Variants in XIRP2 observed in about 807,000 individuals in gnomAD.
XIRP2 encodes the protein xin actin-binding repeat-containing protein 2.
XIRP2 carries 236 observed loss-of-function variants against 277.0 expected under a neutral mutation model. The ratio of observed to expected loss-of-function variants is 0.85; its 90% CI spans 0.77 to 0.95. The LOEUF (loss-of-function observed/expected upper bound fraction) is 0.95, where lower values mean the gene tolerates loss of function less well. Ranked by LOEUF, XIRP2 falls within the 40% of genes least tolerant of loss-of-function variation. The pLI, the probability that XIRP2 is intolerant of heterozygous loss-of-function variation, is 0.00. For missense variants in XIRP2, 4,640 were observed against 4,157.5 expected (o/e 1.12, Z -3.19); for synonymous variants, 1,490 against 1,416.5 (o/e 1.05, Z -1.17).
intron 3 of XIRP2, among the ~76,000 whole-genome samples, chr2:167,178,581 A>C (rs920156091): frequency 2.0e-5 from 3 of 152,152 alleles, no homozygotes; most frequent in African/African-American, 7.2e-5. Flanking sequence ...GCATTTAATT[A>C]ATACAGCTTT....
rs186740809 is a variant in XIRP2, at chr2:167,259,311, T to G, written c.*1494T>G. The G allele has an allele frequency of 1.9e-6, 3 of 1,612,496 alleles. No individual in the cohort carries two copies. The highest frequency in any genetic ancestry group is 2.7e-5 in the African/African-American group (2 of 74,800). The stretch of plus-strand genomic sequence containing the variant: ...AGAGTGGAGGTGCAGTCAGAACAAC[T>G]CACGGTGGAAGAGCAGATTAAAAGA... On this transcript the variant is annotated 3_prime_UTR_variant, in exon 11 of 11. Coordinates refer to ENST00000409195, the MANE Select transcript of XIRP2 (RefSeq NM_152381.6).
At chr2:166,981,797 C>G (rs1237415649) in intron 2 of XIRP2, among the ~76,000 whole-genome samples, 1 of 152,132 alleles carries the variant, frequency 6.6e-6, no homozygotes, top group Non-Finnish European at 1.5e-5. Context: ...ATACGAAGAC[C>G]CTATTTCCAA....
intron 3 of XIRP2, among the ~76,000 whole-genome samples, chr2:167,158,440 A>T (rs1158313531): frequency 1.3e-5 from 2 of 152,190 alleles, no homozygotes; most frequent in Non-Finnish European, 2.9e-5. Flanking sequence ...AGATGTGTTT[A>T]TGCATCAGTT....
chr2:166,942,063 A>G (rs563919802), intron 2 of XIRP2, among the ~76,000 whole-genome samples: 1 of 152,322 alleles, frequency 6.6e-6, no homozygotes, highest in African/African-American at 2.4e-5. Context: ...AATAGTCAGT[A>G]GTAAGCACTA....
chr2:167,211,954 TGAGAGAGGGAGACA>T (rs1365353630), intron 4 of XIRP2, among the ~76,000 whole-genome samples: 1 of 152,056 alleles, frequency 6.6e-6, no homozygotes, highest in Non-Finnish European at 1.5e-5. Context: ...TAGTTGTGTA[TGAGAGAGGGAGACA>T]GAGAAAGAGA....
chr2:167,042,300 C>T (rs996526666), intron 2 of XIRP2, among the ~76,000 whole-genome samples: 1 of 152,074 alleles, frequency 6.6e-6, no homozygotes, highest in African/African-American at 2.4e-5. Context: ...TAACAAGCAG[C>T]TAAAAAACAT....
chr2:166,944,248 C>A (rs1013953978), intron 2 of XIRP2, among the ~76,000 whole-genome samples: 1 of 152,134 alleles, frequency 6.6e-6, no homozygotes, highest in African/African-American at 2.4e-5. Flanking sequence ...AGAAAACTGT[C>A]ATTAGTCCAT....
chr2:167,190,123 T>G (rs1440406412), intron 3 of XIRP2, among the ~76,000 whole-genome samples: 1 of 152,180 alleles, frequency 6.6e-6, no homozygotes. Context: ...CTTCCTTGCT[T>G]TCTTCTAACG....
rs1279227706 is a variant in XIRP2, at chr2:167,212,528, T to A, written c.723+1633T>A. On this transcript the variant is annotated intron_variant, in intron 4 of 10. Transcript: ENST00000409195. ...AATACAAAATCAAAAACTTTAGGGC[T>A]AATCTCAAAATGTCTACATATAAAG... Among the ~76,000 whole-genome samples the A allele has an allele frequency of 3.2e-3, 494 of 152,356 alleles. 20 individuals are homozygous for A. In the East Asian group the frequency reaches 0.067, roughly 21 times the overall value.
chr2:167,251,059 C>A lies in XIRP2; in HGVS notation c.9667C>A (p.Arg3223Ser), dbSNP rs371935411. 3.1e-6 allele frequency: 5 copies of A among 1,613,456 alleles called. No homozygotes were observed. The highest frequency in any genetic ancestry group is 4.2e-6 in the Non-Finnish European group (5 of 1,179,734). Residue 3223 changes from arginine (R) to serine (S), a missense_variant, in exon 9 of 11, where the codon CGT becomes AGT. Transcript: ENST00000409195. ...EIIMSPATLRRQIKIETRGRD... is the reference protein window; with the variant it reads ...EIIMSPATLRSQIKIETRGRD... Reference sequence around the variant, plus strand: ...CATCATGTCTCCTGCAACACTTCGTCGTCAAATTAAGATAGAAACTCGTGG... The same window carrying A: ...CATCATGTCTCCTGCAACACTTCGTAGTCAAATTAAGATAGAAACTCGTGG...
At position 167,258,585 on chromosome 2, in the gene XIRP2, CT is replaced by C; in HGVS notation, c.*769del. 1 of 1,612,976 alleles carries C rather than the reference CT, an allele frequency of 6.2e-7. No individual in the cohort carries two copies. Among genetic ancestry groups the C allele is most frequent in the Non-Finnish European group, 8.5e-7 (1 of 1,179,536 alleles). On this transcript the variant is annotated 3_prime_UTR_variant, in exon 11 of 11. Coordinates refer to ENST00000409195, the MANE Select transcript of XIRP2 (RefSeq NM_152381.6). ...GAGAAAAATGAAAAAACTAACCAAA[CT>C]AATGGTGCAGAAGTTTTACAGGTTA...
At chr2:167,050,771 G>C (rs936721157) in intron 2 of XIRP2, among the ~76,000 whole-genome samples, 1 of 151,126 alleles carries the variant, frequency 6.6e-6, no homozygotes, top group African/African-American at 2.4e-5. Flanking sequence ...GATGTAAGTG[G>C]AACAGGACTA....
chr2:167,124,904 G>A lies in XIRP2; in HGVS notation c.409-11005G>A, dbSNP rs77300717. On this transcript the variant is annotated intron_variant, in intron 2 of 10. Transcript: ENST00000409195. Reference sequence around the variant, plus strand: ...CTGTCCCTTTGGGAATAGCCAGAAGGATGGCCCAGATCAGACTGGTGGAAC... The same window carrying A: ...CTGTCCCTTTGGGAATAGCCAGAAGAATGGCCCAGATCAGACTGGTGGAAC... Among the ~76,000 whole-genome samples the A allele has an allele frequency of 6.7e-3, 1,018 of 152,282 alleles. 30 individuals are homozygous for A. The East Asian group carries it at 0.085, about 13-fold the overall frequency.
intron 3 of XIRP2, among the ~76,000 whole-genome samples, chr2:167,204,739 T>A (rs1693810182): frequency 6.6e-6 from 1 of 152,214 alleles, no homozygotes; most frequent in African/African-American, 2.4e-5. Context: ...GGCCCATCAG[T>A]GTTCTTTATT....
At chr2:167,068,617 T>A in intron 2 of XIRP2, among the ~76,000 whole-genome samples, 1 of 151,862 alleles carries the variant, frequency 6.6e-6, no homozygotes, top group East Asian at 1.9e-4. Context: ...CTTTTTTTTT[T>A]CCTTTTTTAA....
intron 2 of XIRP2, among the ~76,000 whole-genome samples, chr2:167,023,488 T>C (rs902603383): frequency 4.6e-5 from 7 of 152,054 alleles, no homozygotes; most frequent in Admixed American, 4.6e-4. Context: ...TTTTGTCTTT[T>C]GTTGCCATTG....
At chr2:167,013,447 G>C (rs1687737019) in intron 2 of XIRP2, among the ~76,000 whole-genome samples, 3 of 151,410 alleles carry the variant, frequency 2.0e-5, no homozygotes, top group Non-Finnish European at 4.4e-5. Context: ...TGACTCATTA[G>C]TTCTGGGAGA....
chr2:167,192,976 T>C (rs1477063061), intron 3 of XIRP2, among the ~76,000 whole-genome samples: 2 of 152,190 alleles, frequency 1.3e-5, no homozygotes, highest in Non-Finnish European at 2.9e-5. Context: ...TTTTTAGGAA[T>C]GGAACTGTAC....
At chr2:167,010,785 C>T (rs922428904) in intron 2 of XIRP2, among the ~76,000 whole-genome samples, 3 of 152,002 alleles carry the variant, frequency 2.0e-5, no homozygotes, top group Non-Finnish European at 4.4e-5. Context: ...AGGTCCTTCA[C>T]GTCCCTTGTA....
Sources: allele counts gnomAD v4.1 joint callset (sites outside exome capture counted in the v4.1 genomes callset), GRCh38; gene constraint gnomAD v4.1.1; transcripts MANE v1.5; gene names NCBI Gene and HGNC (gene_info 2026-07-23, HGNC 2026-07-21).